Variants in ST8SIA6 observed in about 807,000 individuals in gnomAD.
The protein encoded by ST8SIA6 is alpha-2,8-sialyltransferase 8F.
In ST8SIA6, 39 loss-of-function variants were observed where a neutral mutation model predicts 33.6. That is an observed-to-expected ratio of 1.16 (90% confidence interval 0.90 to 1.52). The LOEUF is 1.52. Ranked by LOEUF, ST8SIA6 falls within the 40% of genes most tolerant of loss-of-function variation. The probability of loss-of-function intolerance (pLI) is 0.00; values close to 1 mark genes in which losing one functional copy is unlikely to be tolerated. For missense variants in ST8SIA6, 441 were observed against 443.8 expected (o/e 0.99, Z 0.06); for synonymous variants, 172 against 167.2 (o/e 1.03, Z -0.22).
At position 17,337,959 on chromosome 10, in the gene ST8SIA6, T is replaced by G. The variant is rs193046730; in HGVS notation, c.378-6407A>C. Among the ~76,000 whole-genome samples the G allele has an allele frequency of 7.5e-4, 113 of 151,642 alleles. 1 individual carries two copies. Among genetic ancestry groups the G allele is most frequent in the African/African-American group, 2.7e-3 (112 of 41,370 alleles). ...TTAGTAGGCACAAGCCTTAACCTGG[T>G]AAAACACTGTACACTTTTGCCATTA... On this transcript the variant is annotated intron_variant, in intron 4 of 7. Transcript: ENST00000377602.
chr10:17,437,199 C>A (rs1313304261), intron 2 of ST8SIA6, among the ~76,000 whole-genome samples: 1 of 152,044 alleles, frequency 6.6e-6, no homozygotes, highest in Non-Finnish European at 1.5e-5. Flanking sequence ...TGCTCTGTTG[C>A]CTCAGGCTGG....
chr10:17,390,961 C>T (rs1181026344), intron 2 of ST8SIA6, among the ~76,000 whole-genome samples: 1 of 151,622 alleles, frequency 6.6e-6, no homozygotes, highest in Non-Finnish European at 1.5e-5. Context: ...CTGGTTCAAG[C>T]GATTCTCCTG....
intron 2 of ST8SIA6, among the ~76,000 whole-genome samples, chr10:17,398,545 T>C (rs1396563766): frequency 1.3e-5 from 2 of 152,108 alleles, no homozygotes; most frequent in African/African-American, 4.8e-5. Flanking sequence ...AAGAATAATC[T>C]GCAAATGGGC....
chr10:17,416,679 C>G (rs1341163575), intron 2 of ST8SIA6, among the ~76,000 whole-genome samples: 1 of 152,170 alleles, frequency 6.6e-6, no homozygotes, highest in Non-Finnish European at 1.5e-5. Context: ...CTTCTATTGC[C>G]TCATTCAAGG....
chr10:17,370,325 A>G (rs1294158036), intron 3 of ST8SIA6, among the ~76,000 whole-genome samples: 2 of 152,090 alleles, frequency 1.3e-5, no homozygotes, highest in Non-Finnish European at 2.9e-5. Flanking sequence ...ATCCATTCAA[A>G]TTTAATGTTG....
At chr10:17,450,901 G>GAC (rs925227794) in intron 2 of ST8SIA6, among the ~76,000 whole-genome samples, 7 of 147,904 alleles carry the variant, frequency 4.7e-5, no homozygotes, top group South Asian at 2.2e-4. Flanking sequence ...CACACACACA[G>GAC]ACACACACAC....
intron 2 of ST8SIA6, among the ~76,000 whole-genome samples, chr10:17,423,532 ATCT>A (rs367793416): frequency 6.6e-5 from 10 of 152,296 alleles, no homozygotes; most frequent in African/African-American, 2.4e-4. Flanking sequence ...TAAATTAATA[ATCT>A]TCTCACACAC....
chr10:17,322,785 G>GA (rs1315891062), intron 7 of ST8SIA6, among the ~76,000 whole-genome samples: 1 of 152,026 alleles, frequency 6.6e-6, no homozygotes, highest in African/African-American at 2.4e-5. Flanking sequence ...AAAGAAAATG[G>GA]AAAAAAGTGG....
intron 4 of ST8SIA6, among the ~76,000 whole-genome samples, chr10:17,357,430 C>T (rs1849237006): frequency 6.6e-6 from 1 of 152,016 alleles, no homozygotes; most frequent in Admixed American, 6.6e-5. Flanking sequence ...GCCATACGCC[C>T]AGCCCCTTCA....
rs543388731 is a variant in ST8SIA6, at chr10:17,345,935, C to T, written c.377+13579G>A. On this transcript the variant is annotated intron_variant, in intron 4 of 7. Coordinates refer to ENST00000377602, the MANE Select transcript of ST8SIA6 (RefSeq NM_001004470.3). ...CAAGAAATGAAACCTAAAATTCCTC[C>T]GCTTGAATCGGGGCTGGCCTTAGGA... Among the ~76,000 whole-genome samples the T allele has an allele frequency of 7.2e-5, 11 of 152,280 alleles. No homozygotes were observed. The Middle Eastern group carries it at 0.01, about 141-fold the overall frequency.
chr10:17,415,045 CACACAA>C (rs1851560640), intron 2 of ST8SIA6, among the ~76,000 whole-genome samples: 1 of 152,082 alleles, frequency 6.6e-6, no homozygotes, highest in Non-Finnish European at 1.5e-5. Context: ...TTCTCACAAG[CACACAA>C]ACACGCTCCT....
intron 2 of ST8SIA6, among the ~76,000 whole-genome samples, chr10:17,436,564 A>C: frequency 8.6e-6 from 1 of 116,946 alleles, no homozygotes. Context: ...GATGTTCCCC[A>C]TCCTGTGTCC....
intron 2 of ST8SIA6, among the ~76,000 whole-genome samples, chr10:17,437,624 TC>T: frequency 2.6e-5 from 3 of 114,876 alleles, no homozygotes; most frequent in Non-Finnish European, 5.5e-5. Flanking sequence ...CTTCCTTCCT[TC>T]CTTCCTTCCT....
At chr10:17,387,958 T>C (rs1293960835) in intron 3 of ST8SIA6, among the ~76,000 whole-genome samples, 1 of 152,200 alleles carries the variant, frequency 6.6e-6, no homozygotes, top group Non-Finnish European at 1.5e-5. Flanking sequence ...AATGGTTCAT[T>C]TTCTGTGTCG....
At chr10:17,350,271 G>A (rs959866124) in intron 4 of ST8SIA6, among the ~76,000 whole-genome samples, 1 of 152,220 alleles carries the variant, frequency 6.6e-6, no homozygotes, top group African/African-American at 2.4e-5. Flanking sequence ...GGATTTGGCT[G>A]TGTCGTGGAG....
At position 17,401,456 on chromosome 10, in the gene ST8SIA6, C is replaced by T. The variant is rs1419584088; in HGVS notation, c.201-10836G>A. ...TTTAAAGTTCATATGGAACCAAAAA[C>T]GAGCCCGCATTGCCAAGACAATCCT... On this transcript the variant is annotated intron_variant, in intron 2 of 7. Transcript: ENST00000377602. 7.2e-5 allele frequency among the ~76,000 whole-genome samples: 11 copies of T among 152,132 alleles called. No individual in the cohort carries two copies. In the South Asian group the frequency reaches 2.1e-3, roughly 29 times the overall value.
At chr10:17,331,665 A>G in intron 4 of ST8SIA6, 113 bp from the exon 5 acceptor site, 2 of 1,085,092 alleles carry the variant, frequency 1.8e-6, no homozygotes, top group Non-Finnish European at 2.5e-6. Flanking sequence ...TTCAAAAAGA[A>G]GATAATTATT....
chr10:17,321,650 A>G (rs1157611091), intron 7 of ST8SIA6, among the ~76,000 whole-genome samples: 1 of 152,136 alleles, frequency 6.6e-6, no homozygotes, highest in Non-Finnish European at 1.5e-5. Flanking sequence ...TTTTTCCTAA[A>G]GTTGTTTTTT....
At chr10:17,362,869 GTCCGGC>G (rs1849437386) in intron 3 of ST8SIA6, among the ~76,000 whole-genome samples, 2 of 151,986 alleles carry the variant, frequency 1.3e-5, no homozygotes, top group Admixed American at 6.6e-5. Context: ...GCGTCCCCAT[GTCCGGC>G]TAATTTTTGT....
Sources: gnomAD v4.1 joint callset for allele counts (sites outside exome capture counted in the v4.1 genomes callset) on GRCh38, gnomAD v4.1.1 for gene constraint, MANE v1.5 for transcripts, NCBI Gene and HGNC (gene_info 2026-07-23, HGNC 2026-07-21) for gene names.